The following ZC2HC1B variants were observed in gnomAD, a reference collection of about 807,000 sequenced individuals.
ZC2HC1B encodes zinc finger C2HC domain-containing protein 1B.
ZC2HC1B carries 36 observed loss-of-function variants against 31.0 expected under a neutral mutation model. The ratio of observed to expected loss-of-function variants is 1.16; its 90% CI spans 0.89 to 1.54. The LOEUF (loss-of-function observed/expected upper bound fraction) is 1.54, where lower values mean the gene tolerates loss of function less well. ZC2HC1B is among the 40% of genes most tolerant of loss of function. ZC2HC1B has a pLI of 0.00. For synonymous variants in ZC2HC1B, 73 were observed against 88.0 expected (o/e 0.83, Z 0.95); for missense variants, 260 against 268.6 (o/e 0.97, Z 0.22).
chr6:143,897,371 A>G (rs1777680124), intron 4 of ZC2HC1B, among the ~76,000 whole-genome samples: 1 of 151,246 alleles, frequency 6.6e-6, no homozygotes, highest in Non-Finnish European at 1.5e-5. Flanking sequence ...TGCTTGATTT[A>G]GAGGGGTAGT....
chr6:143,906,879 C>A (rs138809059), intron 6 of ZC2HC1B, among the ~76,000 whole-genome samples: 286 of 152,062 alleles, frequency 1.9e-3, no homozygotes, highest in Admixed American at 3.5e-3. Flanking sequence ...CCAGATCATC[C>A]TAGGTATTAA....
At chr6:143,882,521 C>T (rs916640795) in intron 1 of ZC2HC1B, among the ~76,000 whole-genome samples, 1 of 151,420 alleles carries the variant, frequency 6.6e-6, no homozygotes, top group African/African-American at 2.4e-5. Context: ...AGCAGGCTAC[C>T]CATCTGCTTC....
At chr6:143,919,217 C>CTCTGTGTGTGTGTG (rs1176724266) in intron 6 of ZC2HC1B, among the ~76,000 whole-genome samples, 1 of 123,596 alleles carries the variant, frequency 8.1e-6, no homozygotes, top group African/African-American at 2.9e-5. Context: ...TTGCTATTCT[C>CTCTGTGTGTGTGTG]TGTGTGTGTG....
intron 6 of ZC2HC1B, among the ~76,000 whole-genome samples, chr6:143,929,201 AGT>A (rs1562349175): frequency 1.3e-5 from 2 of 152,074 alleles, no homozygotes; most frequent in African/African-American, 2.4e-5. Flanking sequence ...ACTTTTTCCC[AGT>A]GTGTTATTGG....
chr6:143,920,814 A>G (rs1777978148), intron 6 of ZC2HC1B, among the ~76,000 whole-genome samples: 1 of 151,584 alleles, frequency 6.6e-6, no homozygotes, highest in Admixed American at 6.6e-5. Flanking sequence ...AGGCTGAGGC[A>G]GGAGAATCGC....
chr6:143,932,297 T>C (rs1778129792), intron 6 of ZC2HC1B, among the ~76,000 whole-genome samples: 1 of 152,244 alleles, frequency 6.6e-6, no homozygotes, highest in South Asian at 2.1e-4. Flanking sequence ...CCAATTATTT[T>C]AGGTTTGGCT....
intron 6 of ZC2HC1B, among the ~76,000 whole-genome samples, chr6:143,910,721 CCTT>C (rs1777846343): frequency 1.3e-5 from 2 of 151,854 alleles, no homozygotes; most frequent in Non-Finnish European, 2.9e-5. Flanking sequence ...TATGTAATGC[CCTT>C]CTTTTGTCTT....
Position 143,865,338 on chromosome 6 carries a change from G to A in ZC2HC1B, c.28+771G>A, listed in dbSNP as rs981913913. ...GCGAAATGTAACTGGCAATACTATC[G>A]TGGTAAGTACCACTTGTAATTAGAA... On this transcript the variant is annotated intron_variant, in intron 1 of 7. Transcript: ENST00000237275. The surrounding 1 kb of genome is among the most constrained non-coding windows in gnomAD (Gnocchi z 4.4). Among the ~76,000 whole-genome samples the A allele has an allele frequency of 1.3e-5, 2 of 152,184 alleles. No homozygotes were observed. The highest frequency in any genetic ancestry group is 2.9e-5 in the Non-Finnish European group (2 of 68,026).
chr6:143,931,699 G>A (rs753154071), intron 6 of ZC2HC1B, among the ~76,000 whole-genome samples: 17 of 152,184 alleles, frequency 1.1e-4, no homozygotes, highest in African/African-American at 2.4e-4. Flanking sequence ...AAAATCTGTT[G>A]TTAATCTGAT....
intron 4 of ZC2HC1B, among the ~76,000 whole-genome samples, chr6:143,888,092 T>C (rs1777552326): frequency 6.6e-6 from 1 of 152,118 alleles, no homozygotes; most frequent in East Asian, 1.9e-4. Context: ...GTGTGTAATA[T>C]AAGTTTCCAA....
At chr6:143,928,477 A>G (rs1054999334) in intron 6 of ZC2HC1B, among the ~76,000 whole-genome samples, 25 of 152,060 alleles carry the variant, frequency 1.6e-4, no homozygotes, top group Non-Finnish European at 1.3e-4. Context: ...CTATATGTCT[A>G]TGTTTATACC....
chr6:143,893,076 A>C (rs936354398), intron 4 of ZC2HC1B, among the ~76,000 whole-genome samples: 1 of 152,180 alleles, frequency 6.6e-6, no homozygotes, highest in Non-Finnish European at 1.5e-5. Flanking sequence ...CAAAGAACTC[A>C]TATCAAGAAC....
At position 143,908,418 on chromosome 6, in the gene ZC2HC1B, T is replaced by G. The variant is rs988649846; in HGVS notation, c.598+5266T>G. On this transcript the variant is annotated intron_variant, in intron 6 of 7. Coordinates refer to ENST00000237275, the MANE Select transcript of ZC2HC1B (RefSeq NM_001013623.3). The surrounding 1 kb of genome is among the most constrained non-coding windows in gnomAD (Gnocchi z 4.4). ...TCTTCCTATTCATGAGCATGGTATA[T>G]TTTTCCATTTGTTTGTGTCATCTCT... is the stretch of plus-strand genomic sequence containing the variant. 3.3e-5 allele frequency among the ~76,000 whole-genome samples: 5 copies of G among 152,228 alleles called. No individual in the cohort carries two copies. Among genetic ancestry groups the G allele is most frequent in the African/African-American group, 1.2e-4 (5 of 41,466 alleles).
At chr6:143,866,222 A>C (rs1777259928) in intron 1 of ZC2HC1B, among the ~76,000 whole-genome samples, 1 of 152,242 alleles carries the variant, frequency 6.6e-6, no homozygotes, top group Non-Finnish European at 1.5e-5. Flanking sequence ...TGATAAGCCC[A>C]CCATAAGCTG....
Position 143,934,255 on chromosome 6 carries a change from G to C in ZC2HC1B, c.599-3394G>C, listed in dbSNP as rs563170934. ...CTGCCACTTCTTTCAAAGGATCTGT[G>C]ATTTCTTTTGTTTTTCCTGGTATGC... is the stretch of plus-strand genomic sequence containing the variant. On this transcript the variant is annotated intron_variant, in intron 6 of 7. Transcript: ENST00000237275. The surrounding 1 kb of genome is among the most constrained non-coding windows in gnomAD (Gnocchi z 4.6). Among the ~76,000 whole-genome samples, 97 of 152,306 alleles carry C rather than the reference G, an allele frequency of 6.4e-4. No homozygotes were observed. Among genetic ancestry groups the C allele is most frequent in the African/African-American group, 2.2e-3 (92 of 41,568 alleles).
At position 143,932,094 on chromosome 6, in the gene ZC2HC1B, C is replaced by T. The variant is rs143260922; in HGVS notation, c.599-5555C>T. Among the ~76,000 whole-genome samples the T allele has an allele frequency of 4.2e-3, 645 of 152,146 alleles. 4 individuals carry two copies. The highest frequency in any genetic ancestry group is 0.014 in the African/African-American group (577 of 41,514). Reference sequence around the variant, plus strand: ...TTCACCATGTTAGCCAGGCTGGTCTCGAACTCCTGACCTCAGGTGATCCTC... The same window carrying T: ...TTCACCATGTTAGCCAGGCTGGTCTTGAACTCCTGACCTCAGGTGATCCTC... On this transcript the variant is annotated intron_variant, in intron 6 of 7. Coordinates refer to ENST00000237275, the MANE Select transcript of ZC2HC1B (RefSeq NM_001013623.3).
chr6:143,873,422 G>T lies in ZC2HC1B; in HGVS notation c.28+8855G>T, dbSNP rs185643246. 8.4e-3 allele frequency among the ~76,000 whole-genome samples: 1,285 copies of T among 152,304 alleles called. 11 individuals are homozygous for T. The highest frequency in any genetic ancestry group is 0.024 in the Middle Eastern group (7 of 294). ...CTGTCAGTGGATCTACCATTCTGGG[G>T]TCTGGAGGACAGTGGCCCTCTTCTC... On this transcript the variant is annotated intron_variant, in intron 1 of 7. Transcript: ENST00000237275.
chr6:143,880,517 A>G (rs1485947707), intron 1 of ZC2HC1B, among the ~76,000 whole-genome samples: 2 of 152,192 alleles, frequency 1.3e-5, no homozygotes, highest in African/African-American at 4.8e-5. Context: ...AAAATGTTTC[A>G]TTAATATTTT....
chr6:143,922,183 G>A lies in ZC2HC1B; in HGVS notation c.599-15466G>A, dbSNP rs184805088. On this transcript the variant is annotated intron_variant, in intron 6 of 7. Coordinates refer to ENST00000237275, the MANE Select transcript of ZC2HC1B (RefSeq NM_001013623.3). The surrounding 1 kb of genome is among the most constrained non-coding windows in gnomAD (Gnocchi z 5.0). ...GATACTAGTCTACTTGTAATATGTG[G>A]TCTTTTTGTTGATATATAATATTTG... Among the ~76,000 whole-genome samples the A allele has an allele frequency of 6.6e-6, 1 of 152,170 alleles. No individual in the cohort carries two copies. The highest frequency in any genetic ancestry group is 6.5e-5 in the Admixed American group (1 of 15,292).
Sources: allele counts gnomAD v4.1 joint callset (sites outside exome capture counted in the v4.1 genomes callset), GRCh38; gene constraint gnomAD v4.1.1; non-coding constraint Gnocchi (gnomAD v3.1); transcripts MANE v1.5; gene names NCBI Gene and HGNC (gene_info 2026-07-23, HGNC 2026-07-21).